NCAPG2: variants seen among roughly 807,000 people sequenced by gnomAD.
NCAPG2 encodes condensin-2 complex subunit G2.
In NCAPG2, 53 loss-of-function variants were observed where a neutral mutation model predicts 141.1. The observed-to-expected ratio is 0.38, with a 90% CI of 0.30 to 0.47. The LOEUF is 0.47. NCAPG2 is among the 20% of genes least tolerant of loss of function. The pLI is 0.99. For missense variants in NCAPG2, 1,087 were observed against 1,389.0 expected, an observed-to-expected ratio of 0.78 and a Z score of 3.46; for synonymous variants, 499 against 490.7, an observed-to-expected ratio of 1.02 and a Z score of -0.22.
chr7:158,661,241 G>A (rs1052328789), intron 16 of NCAPG2, among the ~76,000 whole-genome samples: 12 of 152,188 alleles, frequency 7.9e-5, no homozygotes, highest in African/African-American at 2.9e-4. Context: ...AGAAAAAGAG[G>A]CAAGAGTAAC....
At chr7:158,657,110 C>T (rs1337409200) in intron 17 of NCAPG2, among the ~76,000 whole-genome samples, 2 of 152,078 alleles carry the variant, frequency 1.3e-5, no homozygotes, top group Non-Finnish European at 2.9e-5. Context: ...CATTGTAGAG[C>T]TCTAATGAAA....
chr7:158,668,516 G>T, intron 13 of NCAPG2: 2 of 791,986 alleles, frequency 2.5e-6, no homozygotes, highest in Non-Finnish European at 3.1e-6. Flanking sequence ...AAAACAATAT[G>T]ATGTCTGGAA....
intron 27 of NCAPG2, among the ~76,000 whole-genome samples, chr7:158,643,534 C>A (rs1161516747): frequency 6.6e-6 from 1 of 152,148 alleles, no homozygotes; most frequent in African/African-American, 2.4e-5. Context: ...ATAGAACAAG[C>A]CAACAGTCTA....
intron 23 of NCAPG2, among the ~76,000 whole-genome samples, chr7:158,651,708 C>T (rs1298050797): frequency 1.3e-5 from 2 of 152,142 alleles, no homozygotes; most frequent in African/African-American, 4.8e-5. Flanking sequence ...GCTTATACAA[C>T]AATCTCACTT....
At chr7:158,661,435 T>C (rs1401421894) in intron 16 of NCAPG2, among the ~76,000 whole-genome samples, 3 of 151,774 alleles carry the variant, frequency 2.0e-5, no homozygotes, top group South Asian at 4.1e-4. Context: ...TGCATGCAAA[T>C]AGAAATCACG....
Position 158,693,501 on chromosome 7 carries a change from T to C in NCAPG2, c.79-4A>G, listed in dbSNP as rs76593772. 2,558 of 1,600,778 alleles carry C rather than the reference T, an allele frequency of 1.6e-3. No individual in the cohort carries two copies. The highest frequency in any genetic ancestry group is 2.0e-3 in the Non-Finnish European group (2,389 of 1,172,654). ...TGAAAGGATCAGAGGCCTCTTTCTG[T>C]AACATAAATAGCAAGTGTCACATTT... On this transcript the variant is annotated splice_polypyrimidine_tract_variant and splice_region_variant and intron_variant, in intron 2 of 27. Transcript: ENST00000356309.
At chr7:158,648,879 T>TGGAC in intron 24 of NCAPG2, among the ~76,000 whole-genome samples, 1 of 24,230 alleles carries the variant, frequency 4.1e-5, no homozygotes, top group East Asian at 1.8e-3. Context: ...AAATGGACTA[T>TGGAC]AACCACGGCA....
At chr7:158,654,298 C>T (rs1360110962) in intron 22 of NCAPG2, among the ~76,000 whole-genome samples, 1 of 152,152 alleles carries the variant, frequency 6.6e-6, no homozygotes, top group Non-Finnish European at 1.5e-5. Flanking sequence ...CACACAGATG[C>T]CAGGAAATAG....
At chr7:158,668,554 G>T in intron 13 of NCAPG2, 2 of 546,790 alleles carry the variant, frequency 3.7e-6, no homozygotes, top group Non-Finnish European at 4.6e-6. Flanking sequence ...CGGCAGTGTG[G>T]CCTGGATACA....
rs779953341 is a variant in NCAPG2 at position 158,650,944 on chromosome 7, T to G, written c.2963A>C (p.His988Pro). ...RLLYSVQRPL[H>P]EFITAVQSRH... ...AGACTGAACAGCAGTAATGAACTCA[T>G]GAAGAGGCCTCTGAACAGAATAAAG... Residue 988 changes from histidine (H) to proline (P), a missense_variant, in exon 24 of 28, where the codon CAT becomes CCT. Coordinates refer to ENST00000356309, the MANE Select transcript of NCAPG2 (RefSeq NM_017760.7). The G allele has an allele frequency of 6.2e-7, 1 of 1,612,942 alleles. No individual in the cohort carries two copies. Among genetic ancestry groups the G allele is most frequent in the Non-Finnish European group, 8.5e-7 (1 of 1,179,626 alleles).
At chr7:158,675,369 A>C in intron 12 of NCAPG2, 108 bp downstream of exon 12, 1 of 1,180,504 alleles carries the variant, frequency 8.5e-7, no homozygotes, top group Non-Finnish European at 1.1e-6. Context: ...CAAAAATGTT[A>C]TCTTTGTGGA....
At chr7:158,654,774 T>C in intron 21 of NCAPG2, 80 bp from the exon 22 acceptor site, 1 of 1,518,240 alleles carries the variant, frequency 6.6e-7, no homozygotes, top group Non-Finnish European at 8.8e-7. Context: ...GCTTCTCCTA[T>C]CCATGTGCTA....
intron 16 of NCAPG2, among the ~76,000 whole-genome samples, chr7:158,659,426 A>T (rs1563524066): frequency 7.1e-6 from 1 of 140,990 alleles, no homozygotes; most frequent in Non-Finnish European, 1.6e-5. Context: ...CAGCTGACAT[A>T]GCACAGAGGA....
At chr7:158,667,211 G>C (rs1563537519) in intron 13 of NCAPG2, 3 of 985,344 alleles carry the variant, frequency 3.0e-6, no homozygotes, top group South Asian at 4.7e-5. Context: ...CAAACGTTCT[G>C]CCTTCTTCCT....
chr7:158,663,908 C>A (rs537836822), intron 15 of NCAPG2, among the ~76,000 whole-genome samples: 2 of 152,158 alleles, frequency 1.3e-5, no homozygotes, highest in Non-Finnish European at 2.9e-5. Context: ...CAGGATTGAA[C>A]TGAAATACAG....
At position 158,701,883 on chromosome 7, in the gene NCAPG2, G is replaced by A. The variant is rs866512294; in HGVS notation, c.17C>T (p.Thr6Met). MEKRE[T>M]FVQAVSKELV... is the part of the protein sequence containing the mutation. ...CTCCTTAGACACGGCTTGTACAAAC[G>A]TCTCACGTTTTTCCATGACAGATGG... The change falls in exon 2 of 28, where the codon ACG (threonine) becomes ATG (methionine). Residue 6 changes from threonine (T) to methionine (M), a missense_variant. Physicochemically the swap from Thr to Met is moderately conservative, Grantham distance 81. Coordinates refer to ENST00000356309, the MANE Select transcript of NCAPG2 (RefSeq NM_017760.7). The A allele has an allele frequency of 3.5e-5, 56 of 1,612,948 alleles. No individual in the cohort carries two copies. The highest frequency in any genetic ancestry group is 4.3e-5 in the Non-Finnish European group (51 of 1,179,750).
intron 13 of NCAPG2, among the ~76,000 whole-genome samples, chr7:158,665,688 A>G (rs577254008): frequency 6.6e-5 from 10 of 152,126 alleles, no homozygotes; most frequent in South Asian, 2.1e-4. Flanking sequence ...TTGTCAGTCG[A>G]CCTGCTCCTA....
intron 16 of NCAPG2, among the ~76,000 whole-genome samples, chr7:158,661,646 G>C (rs1355305390): frequency 1.3e-5 from 2 of 152,130 alleles, no homozygotes; most frequent in East Asian, 3.8e-4. Flanking sequence ...GCTCGATTTG[G>C]CCATTCCACA....
At chr7:158,680,158 A>G in intron 10 of NCAPG2, 73 bp from the exon 11 acceptor site, 1 of 1,423,604 alleles carries the variant, frequency 7.0e-7, no homozygotes, top group Non-Finnish European at 9.6e-7. Flanking sequence ...CAGTGTTCCC[A>G]AAGTAACACT....
Sources: allele counts gnomAD v4.1 joint callset (sites outside exome capture counted in the v4.1 genomes callset), GRCh38; gene constraint gnomAD v4.1.1; transcripts MANE v1.5; gene names NCBI Gene and HGNC (gene_info 2026-07-23, HGNC 2026-07-21).